The following CSMD1 variants were observed in gnomAD, a reference collection of about 807,000 sequenced individuals.
CSMD1 encodes the protein CUB and Sushi multiple domains 1.
A neutral mutation model predicts 417.5 loss-of-function variants in CSMD1; 213 were observed. That is an observed-to-expected ratio of 0.51 (90% CI 0.46 to 0.57). The LOEUF (loss-of-function observed/expected upper bound fraction) is 0.57, where lower values mean the gene tolerates loss of function less well. Ranked by LOEUF, CSMD1 falls within the 20% of genes least tolerant of loss-of-function variation. The pLI is 0.00. For missense variants in CSMD1, 6,923 were observed against 4,529.7 expected (o/e 1.53, Z -15.17); for synonymous variants, 2,862 against 1,736.8 (o/e 1.65, Z -16.11).
chr8:3,096,986 C>T lies in CSMD1; in HGVS notation c.7001G>A (p.Ser2334Asn). The change falls in exon 47 of 70, where the codon AGT (serine) becomes AAT (asparagine). Residue 2334 changes from serine to asparagine, a missense_variant. Coordinates refer to ENST00000635120, the MANE Select transcript of CSMD1 (RefSeq NM_033225.6). ...VRTGSSGVIL[S>N]PGYPGNYFNS... ...AAAATAATTACCCGGATACCCTGGA[C>T]TGAGAATGACTCCCGATGATCCAGT... is the stretch of plus-strand genomic sequence containing the variant. 1.3e-6 allele frequency: 2 copies of T among 1,555,966 alleles called. No homozygotes were observed. The highest frequency in any genetic ancestry group is 1.7e-6 in the Non-Finnish European group (2 of 1,148,910).
intron 1 of CSMD1, among the ~76,000 whole-genome samples, chr8:4,904,164 C>T (rs1805082561): frequency 6.6e-6 from 1 of 152,078 alleles, no homozygotes; most frequent in South Asian, 2.1e-4. Context: ...AGGTGTTCTA[C>T]CTTCTTCAAA....
intron 3 of CSMD1, among the ~76,000 whole-genome samples, chr8:4,366,588 CT>C (rs1413413155): frequency 4.6e-5 from 7 of 152,096 alleles, no homozygotes; most frequent in Non-Finnish European, 1.0e-4. Flanking sequence ...TCACCAGCAT[CT>C]GTTGTTTTTT....
At chr8:4,268,602 G>C (rs1226155853) in intron 3 of CSMD1, among the ~76,000 whole-genome samples, 2 of 152,102 alleles carry the variant, frequency 1.3e-5, no homozygotes, top group Non-Finnish European at 2.9e-5. Context: ...ATTTTTGCAA[G>C]AGTAGCTATG....
intron 25 of CSMD1, among the ~76,000 whole-genome samples, chr8:3,293,443 C>T (rs1010747084): frequency 2.0e-5 from 3 of 152,176 alleles, no homozygotes; most frequent in Non-Finnish European, 4.4e-5. Context: ...TTCCATTCTC[C>T]CTGTCACTTT....
chr8:3,419,733 G>A (rs1429036155), intron 12 of CSMD1, among the ~76,000 whole-genome samples: 2 of 152,100 alleles, frequency 1.3e-5, no homozygotes, highest in Non-Finnish European at 2.9e-5. Flanking sequence ...TAGCCAACAT[G>A]TCAAGAAAAA....
chr8:4,926,465 G>A (rs975618750), intron 1 of CSMD1, among the ~76,000 whole-genome samples: 1 of 152,124 alleles, frequency 6.6e-6, no homozygotes, highest in Non-Finnish European at 1.5e-5. Context: ...AGAAGCTTTG[G>A]AATTTCAAAA....
intron 54 of CSMD1, among the ~76,000 whole-genome samples, chr8:2,993,370 A>G (rs1806572594): frequency 1.3e-5 from 2 of 152,136 alleles, no homozygotes; most frequent in African/African-American, 2.4e-5. Flanking sequence ...TTTATTGCCA[A>G]TATCCTGTAA....
At chr8:3,710,894 T>C (rs928618276) in intron 6 of CSMD1, among the ~76,000 whole-genome samples, 1 of 151,940 alleles carries the variant, frequency 6.6e-6, no homozygotes, top group Non-Finnish European at 1.5e-5. Context: ...CTGGGGAGCA[T>C]GGAGACAGGA....
At chr8:4,448,097 T>TA (rs1798922879) in intron 2 of CSMD1, among the ~76,000 whole-genome samples, 1 of 152,218 alleles carries the variant, frequency 6.6e-6, no homozygotes, top group Non-Finnish European at 1.5e-5. Flanking sequence ...TGTTCCCTTC[T>TA]CTATGTTCTT....
At chr8:4,258,570 G>A (rs1003382508) in intron 3 of CSMD1, among the ~76,000 whole-genome samples, 9 of 151,486 alleles carry the variant, frequency 5.9e-5, no homozygotes, top group African/African-American at 1.9e-4. Flanking sequence ...AGGGAGGGAA[G>A]AATGGAAGGA....
intron 1 of CSMD1, among the ~76,000 whole-genome samples, chr8:4,810,577 G>A (rs1019715722): frequency 6.6e-6 from 1 of 152,172 alleles, no homozygotes; most frequent in Admixed American, 6.6e-5. Flanking sequence ...GGGGGGTGGT[G>A]GCTGTGTGTC....
chr8:3,308,103 T>C (rs916197650), intron 24 of CSMD1, among the ~76,000 whole-genome samples: 3 of 152,094 alleles, frequency 2.0e-5, no homozygotes, highest in East Asian at 1.9e-4. Context: ...ACTGTACCTA[T>C]AGTCTCCATA....
At chr8:4,139,088 G>T (rs774351658) in intron 3 of CSMD1, among the ~76,000 whole-genome samples, 3 of 152,172 alleles carry the variant, frequency 2.0e-5, no homozygotes, top group South Asian at 2.1e-4. Context: ...GTCTTTTACC[G>T]ACCACAACAC....
chr8:4,506,830 G>A (rs1000011047), intron 2 of CSMD1, among the ~76,000 whole-genome samples: 1 of 152,076 alleles, frequency 6.6e-6, no homozygotes, highest in Non-Finnish European at 1.5e-5. Flanking sequence ...TTTAAATTAG[G>A]ATAGAAATCC....
intron 1 of CSMD1, among the ~76,000 whole-genome samples, chr8:4,811,810 G>A (rs556645015): frequency 6.6e-6 from 1 of 152,128 alleles, no homozygotes; most frequent in South Asian, 2.1e-4. Flanking sequence ...GTTTTGCATA[G>A]ACATAGGAAA....
chr8:4,984,389 C>A (rs149701665), intron 1 of CSMD1, among the ~76,000 whole-genome samples: 1 of 152,192 alleles, frequency 6.6e-6, no homozygotes, highest in Non-Finnish European at 1.5e-5. Context: ...CAGTAGTGTA[C>A]GCTTCCGATC....
chr8:3,559,491 CGTG>C (rs1420570827), intron 10 of CSMD1, among the ~76,000 whole-genome samples: 3 of 149,958 alleles, frequency 2.0e-5, no homozygotes, highest in African/African-American at 7.6e-5. Flanking sequence ...TTAAAGGCAC[CGTG>C]AAGAAGAAGA....
At chr8:3,665,583 C>T (rs956346949) in intron 7 of CSMD1, among the ~76,000 whole-genome samples, 2 of 152,118 alleles carry the variant, frequency 1.3e-5, no homozygotes, top group African/African-American at 2.4e-5. Flanking sequence ...CTTACTATCC[C>T]ACTTAATATT....
At chr8:3,432,775 A>C (rs1440471363) in intron 12 of CSMD1, among the ~76,000 whole-genome samples, 2 of 152,146 alleles carry the variant, frequency 1.3e-5, no homozygotes, top group Non-Finnish European at 2.9e-5. Context: ...TGGCCTCCCA[A>C]AGTCCTGGGA....
Sources: allele counts gnomAD v4.1 joint callset (sites outside exome capture counted in the v4.1 genomes callset), GRCh38; gene constraint gnomAD v4.1.1; transcripts MANE v1.5; gene names NCBI Gene and HGNC (gene_info 2026-07-23, HGNC 2026-07-21).